Variants in MYH9 observed in about 807,000 individuals in gnomAD.
The protein encoded by MYH9 is myosin-9.
A neutral mutation model predicts 241.9 loss-of-function variants in MYH9; 29 were observed. That is an observed-to-expected ratio of 0.12 (90% CI 0.09 to 0.16). The LOEUF is 0.16. Among genes scored for constraint, MYH9 ranks in the 10% least tolerant of loss-of-function variants. The pLI is 1.00. For synonymous variants in MYH9, 1,047 were observed against 1,062.6 expected, an observed-to-expected ratio of 0.99 and a Z score of 0.29; for missense variants, 1,803 against 2,595.5, an observed-to-expected ratio of 0.69 and a Z score of 6.63.
In MYH9 at chr22:36,306,328, G is replaced by A; in HGVS notation, c.2037+86C>T. 1 of 1,538,720 alleles carries A rather than the reference G, an allele frequency of 6.5e-7. No homozygotes were observed. Among genetic ancestry groups the A allele is most frequent in the Non-Finnish European group, 8.9e-7 (1 of 1,124,996 alleles). ...GCTCTGTGCATGCTGGGGGGCTGGAGGGGTGCTTTTGCTGGGGAGACAGAC... is the reference window on the plus strand; with the variant it reads ...GCTCTGTGCATGCTGGGGGGCTGGAAGGGTGCTTTTGCTGGGGAGACAGAC... On this transcript the variant is annotated intron_variant, in intron 16 of 40. Coordinates refer to ENST00000216181, the MANE Select transcript of MYH9 (RefSeq NM_002473.6). This position sits in a 1 kb window ranked among gnomAD's most constrained non-coding sequence, Gnocchi z 4.1.
intron 11 of MYH9, among the ~76,000 whole-genome samples, 192 bp from the exon 12 acceptor site, chr22:36,316,861 A>G (rs1781591434): frequency 6.6e-6 from 1 of 152,224 alleles, no homozygotes; most frequent in Non-Finnish European, 1.5e-5. Flanking sequence ...AAAAGTAGAA[A>G]CAACCTAATA....
intron 2 of MYH9, among the ~76,000 whole-genome samples, chr22:36,347,852 G>C (rs61134360): frequency 0.03 from 4,595 of 150,674 alleles, 241 homozygotes; most frequent in African/African-American, 0.11. Context: ...CCAAAAATGG[G>C]CTTGGGGCAA....
chr22:36,372,904 G>T (rs1286523586), intron 1 of MYH9, among the ~76,000 whole-genome samples: 1 of 152,136 alleles, frequency 6.6e-6, no homozygotes, highest in Non-Finnish European at 1.5e-5. Context: ...GGCCTTGGAG[G>T]CCGAAAGAGG....
At chr22:36,355,985 T>C (rs916872161) in intron 1 of MYH9, among the ~76,000 whole-genome samples, 3 of 152,202 alleles carry the variant, frequency 2.0e-5, no homozygotes, top group African/African-American at 7.2e-5. Flanking sequence ...GGTGGGAGTG[T>C]GACCTTGGGT....
chr22:36,337,711 G>A (rs1167444610), intron 3 of MYH9, among the ~76,000 whole-genome samples: 1 of 152,194 alleles, frequency 6.6e-6, no homozygotes, highest in Non-Finnish European at 1.5e-5. Context: ...AAGTGGCAGA[G>A]AACAAATCTG....
In MYH9 at chr22:36,285,049, T is replaced by G; in HGVS notation, c.5483+72A>C. 1 of 1,409,908 alleles carries G rather than the reference T, an allele frequency of 7.1e-7. No individual in the cohort carries two copies. The highest frequency in any genetic ancestry group is 9.9e-7 in the Non-Finnish European group (1 of 1,011,166). The allele number at this position is 1,409,908 out of a possible 1,614,324, so 87.3% of individuals were successfully genotyped here. On this transcript the variant is annotated intron_variant, in intron 38 of 40. Coordinates refer to ENST00000216181, the MANE Select transcript of MYH9 (RefSeq NM_002473.6). The surrounding 1 kb of genome is among the most constrained non-coding windows in gnomAD (Gnocchi z 7.0). The stretch of plus-strand genomic sequence containing the variant: ...ACAGAGAGCTGGTTGTGGCCCAGAT[T>G]TGGGCAGGACTGCAGGGGGGCCAGA...
intron 2 of MYH9, among the ~76,000 whole-genome samples, chr22:36,343,672 C>G (rs568905330): frequency 6.6e-6 from 1 of 152,254 alleles, no homozygotes; most frequent in Non-Finnish European, 1.5e-5. Context: ...ACTTGTTTTC[C>G]CTCCAACTGC....
chr22:36,321,657 T>G, intron 7 of MYH9, 101 bp downstream of exon 7: 2 of 1,142,610 alleles, frequency 1.8e-6, no homozygotes, highest in Non-Finnish European at 2.7e-6. Flanking sequence ...GATGGGCCCA[T>G]AAAGGGGAAA....
chr22:36,323,520 G>T (rs2017288606), intron 5 of MYH9, among the ~76,000 whole-genome samples: 1 of 152,214 alleles, frequency 6.6e-6, no homozygotes, highest in East Asian at 1.9e-4. Flanking sequence ...AGGCAAGCCA[G>T]GGTTTTCCGG....
At chr22:36,337,321 C>T (rs1180562029) in intron 3 of MYH9, among the ~76,000 whole-genome samples, 1 of 152,166 alleles carries the variant, frequency 6.6e-6, no homozygotes, top group Non-Finnish European at 1.5e-5. Flanking sequence ...CATCCAGCCT[C>T]AAATATCACT....
intron 1 of MYH9, among the ~76,000 whole-genome samples, chr22:36,373,993 A>G (rs6000262): frequency 0.58 from 88,675 of 151,986 alleles, 27,041 homozygotes; most frequent in Non-Finnish European, 0.68. Flanking sequence ...GATGAGGTGC[A>G]GGGCAAATCT....
rs1422821339 is a variant in MYH9 at position 36,300,142 on chromosome 22, G to C, written c.2961C>G (p.Asn987Lys). ...CGGGCCTCACCTTGGCCAGCTTGCA[G>C]TTCTGGTCCTCCAGGATGATCTGCT... ...EEEQIILEDQNCKLAKEKKLL... is the reference protein window; with the variant it reads ...EEEQIILEDQKCKLAKEKKLL... Residue 987 changes from asparagine (N) to lysine (K), a missense_variant, in exon 23 of 41, where the codon AAC becomes AAG. Physicochemically the swap from Asn to Lys is moderately conservative, Grantham distance 94. Transcript: ENST00000216181. The surrounding 1 kb of genome is among the most constrained non-coding windows in gnomAD (Gnocchi z 5.0). 6.2e-7 allele frequency: 1 copy of C among 1,612,032 alleles called. No individual in the cohort carries two copies. The highest frequency in any genetic ancestry group is 8.5e-7 in the Non-Finnish European group (1 of 1,180,030).
At chr22:36,298,869 C>T in intron 24 of MYH9, 50 bp downstream of exon 24, 1 of 1,608,590 alleles carries the variant, frequency 6.2e-7, no homozygotes, top group Non-Finnish European at 8.5e-7. Flanking sequence ...TGACCGCCAG[C>T]CCTTGCCCGC....
Position 36,288,531 on chromosome 22 carries a change from G to A in MYH9, c.4771-118C>T. The A allele has an allele frequency of 7.0e-7, 1 of 1,425,892 alleles. No homozygotes were observed. Among genetic ancestry groups the A allele is most frequent in the South Asian group, 1.2e-5 (1 of 86,482 alleles). 88.3% of individuals were successfully genotyped at this position (1,425,892 alleles called of 1,614,324 possible). A position where few individuals can be genotyped will look rare whatever the true frequency, so the allele number is the denominator to read the frequency against. ...GGATCCATGGGGCCTCGGGAAACCA[G>A]TGGGGATTACTGACCATAAGAACTC... On this transcript the variant is annotated intron_variant, in intron 33 of 40. Transcript: ENST00000216181. The surrounding 1 kb of genome is among the most constrained non-coding windows in gnomAD (Gnocchi z 4.8).
intron 1 of MYH9, among the ~76,000 whole-genome samples, chr22:36,356,399 C>T (rs932170454): frequency 2.7e-5 from 4 of 150,830 alleles, no homozygotes; most frequent in African/African-American, 7.3e-5. Context: ...TGGCCAAAAC[C>T]GTGAAACCCT....
chr22:36,317,476 C>T (rs918409804), intron 11 of MYH9, among the ~76,000 whole-genome samples: 1 of 152,160 alleles, frequency 6.6e-6, no homozygotes, highest in Admixed American at 6.5e-5. Flanking sequence ...AGGAATAATA[C>T]GCGATGTCTT....
chr22:36,370,916 T>G (rs1336823909), intron 1 of MYH9, among the ~76,000 whole-genome samples: 1 of 152,210 alleles, frequency 6.6e-6, no homozygotes, highest in Non-Finnish European at 1.5e-5. Context: ...CATCATGAAC[T>G]AGACACTGCT....
In MYH9 at chr22:36,285,080, T is replaced by C. The variant is rs972316225; in HGVS notation, c.5483+41A>G. On this transcript the variant is annotated intron_variant, in intron 38 of 40. Coordinates refer to ENST00000216181, the MANE Select transcript of MYH9 (RefSeq NM_002473.6). This position sits in a 1 kb window ranked among gnomAD's most constrained non-coding sequence, Gnocchi z 7.0. ...AGGACTGCAGGGGGGCCAGAGTTTT[T>C]TCCAGGACAGCTGGGGTTGGGCGGG... 1 of 1,600,392 alleles carries C rather than the reference T, an allele frequency of 6.2e-7. No homozygotes were observed. The highest frequency in any genetic ancestry group is 8.5e-7 in the Non-Finnish European group (1 of 1,170,814).
Position 36,312,178 on chromosome 22 carries a change from C to A in MYH9, c.1599G>T (p.Trp533Cys). The stretch of plus-strand genomic sequence containing the variant: ...AGCTCTTGTCGGTGGCTTTGGGGAA[C>A]CAGCACTCCTCGTCCAGCAGGGCCA... Reference protein sequence around the residue: ...GILALLDEECWFPKATDKSFV... With the variant: ...GILALLDEECCFPKATDKSFV... The change falls in exon 14 of 41, where the codon TGG becomes TGT. Residue 533 changes from tryptophan (W) to cysteine (C), a missense_variant. By Grantham distance (215) the Trp-to-Cys change is radical. Around this residue, in one of 11 missense-constraint regions of MYH9, gnomAD observed 163 missense variants for 349.7 expected, o/e 0.47. Transcript: ENST00000216181. 6.2e-7 allele frequency: 1 copy of A among 1,614,160 alleles called. No homozygotes were observed. The highest frequency in any genetic ancestry group is 8.5e-7 in the Non-Finnish European group (1 of 1,180,026).
Sources: allele counts gnomAD v4.1 joint callset (sites outside exome capture counted in the v4.1 genomes callset), GRCh38; gene constraint gnomAD v4.1.1; regional missense constraint gnomAD v4.1.1; non-coding constraint Gnocchi (gnomAD v3.1); transcripts MANE v1.5; gene names NCBI Gene and HGNC (gene_info 2026-07-23, HGNC 2026-07-21).